The following SPOCK1 variants were observed in gnomAD, a reference collection of about 807,000 sequenced individuals.
SPOCK1 encodes the protein testican-1.
A neutral mutation model predicts 55.3 loss-of-function variants in SPOCK1; 23 were observed. The ratio of observed to expected loss-of-function variants is 0.42; its 90% CI spans 0.30 to 0.59. The LOEUF (loss-of-function observed/expected upper bound fraction) is 0.59, where lower values mean the gene tolerates loss of function less well. SPOCK1 is among the 20% of genes least tolerant of loss of function. The probability of loss-of-function intolerance (pLI) is 0.22; values close to 1 mark genes in which losing one functional copy is unlikely to be tolerated. For missense variants in SPOCK1, 499 were observed against 552.5 expected, an observed-to-expected ratio of 0.90 and a Z score of 0.97; for synonymous variants, 226 against 221.0, an observed-to-expected ratio of 1.02 and a Z score of -0.20.
intron 2 of SPOCK1, among the ~76,000 whole-genome samples, chr5:137,449,697 T>C (rs1472544631): frequency 2.6e-5 from 4 of 151,834 alleles, no homozygotes; most frequent in Non-Finnish European, 5.9e-5. Context: ...CAGATCAGTC[T>C]AGGTATCACA....
At chr5:137,395,700 G>A (rs1053271749) in intron 2 of SPOCK1, among the ~76,000 whole-genome samples, 2 of 152,210 alleles carry the variant, frequency 1.3e-5, no homozygotes, top group African/African-American at 4.8e-5. Context: ...CAGAAATAAT[G>A]TTCCTGCAAT....
At chr5:137,167,399 A>G (rs889637162) in intron 3 of SPOCK1, among the ~76,000 whole-genome samples, 2 of 151,306 alleles carry the variant, frequency 1.3e-5, no homozygotes, top group Non-Finnish European at 3.0e-5. Flanking sequence ...TCAGCACTGG[A>G]CAGATCTTCC....
intron 2 of SPOCK1, among the ~76,000 whole-genome samples, chr5:137,409,876 C>A (rs116579660): frequency 2.3e-3 from 345 of 152,320 alleles, no homozygotes; most frequent in African/African-American, 7.9e-3. Context: ...CCTTAGGGAA[C>A]CTATGGTTGA....
At chr5:137,310,623 C>A (rs968562710) in intron 2 of SPOCK1, among the ~76,000 whole-genome samples, 4 of 152,192 alleles carry the variant, frequency 2.6e-5, no homozygotes, top group Non-Finnish European at 5.9e-5. Flanking sequence ...TGTCATCCAA[C>A]AACTCTTTGG....
chr5:137,366,048 C>T (rs1460358135), intron 2 of SPOCK1, among the ~76,000 whole-genome samples: 5 of 152,152 alleles, frequency 3.3e-5, no homozygotes, highest in Non-Finnish European at 5.9e-5. Context: ...CAACCAGTGC[C>T]ATGGGAGGCA....
In SPOCK1 at chr5:136,977,538, A is replaced by G; in HGVS notation, c.*1116T>C. 1 of 356,450 alleles carries G rather than the reference A, an allele frequency of 2.8e-6. No homozygotes were observed. Among genetic ancestry groups the G allele is most frequent in the Non-Finnish European group, 5.0e-6 (1 of 200,088 alleles). 22.1% of individuals were successfully genotyped at this position (356,450 alleles called of 1,614,324 possible). A position where few individuals can be genotyped will look rare whatever the true frequency, so the allele number is the denominator to read the frequency against. On this transcript the variant is annotated 3_prime_UTR_variant, in exon 11 of 11. Transcript: ENST00000394945. The stretch of plus-strand genomic sequence containing the variant: ...AAATTTTCTTCTTTTAAGGAACACC[A>G]TGGTACTCTCAGAGAACAGGAGATA...
intron 4 of SPOCK1, among the ~76,000 whole-genome samples, chr5:137,130,125 C>T (rs1753846038): frequency 6.6e-6 from 1 of 152,174 alleles, no homozygotes; most frequent in South Asian, 2.1e-4. Flanking sequence ...GCTAGACTTC[C>T]CTCGCTGTCA....
rs541218505 is a variant in SPOCK1 at position 137,217,845 on chromosome 5, G to A, written c.232+49165C>T. ...AGCTAAGTAATGTATCCAAGGTATC[G>A]TGGTTAATAAGTGACAAGCGGGAAT... On this transcript the variant is annotated intron_variant, in intron 3 of 10. Transcript: ENST00000394945. Among the ~76,000 whole-genome samples, 5 of 152,254 alleles carry A rather than the reference G, an allele frequency of 3.3e-5. No homozygotes were observed. The South Asian group carries it at 8.3e-4, about 25-fold the overall frequency.
chr5:137,262,203 TTCTA>T (rs996611606), intron 3 of SPOCK1, among the ~76,000 whole-genome samples: 1 of 152,210 alleles, frequency 6.6e-6, no homozygotes, highest in Non-Finnish European at 1.5e-5. Context: ...GTTCAATAAA[TTCTA>T]TCTTTCATTC....
chr5:137,043,122 T>C (rs1752032715), intron 6 of SPOCK1, among the ~76,000 whole-genome samples: 2 of 152,090 alleles, frequency 1.3e-5, no homozygotes, highest in African/African-American at 4.8e-5. Flanking sequence ...AGTAGGTAAA[T>C]AAAATACACC....
intron 2 of SPOCK1, among the ~76,000 whole-genome samples, chr5:137,375,215 G>A (rs1179318229): frequency 6.6e-6 from 1 of 152,160 alleles, no homozygotes; most frequent in East Asian, 1.9e-4. Context: ...ATAAACTGTA[G>A]TAATAAACTC....
At position 136,977,090 on chromosome 5, in the gene SPOCK1, C is replaced by T. The variant is rs1477895522; in HGVS notation, c.*1564G>A. On this transcript the variant is annotated 3_prime_UTR_variant, in exon 11 of 11. Coordinates refer to ENST00000394945, the MANE Select transcript of SPOCK1 (RefSeq NM_004598.4). ...TGGGTGGCTGATTCTGATTAGGACA[C>T]CCTGATAAATGAAAATCAGTGGCGG... The T allele has an allele frequency of 1.3e-5, 2 of 152,148 alleles. No homozygotes were observed. Among genetic ancestry groups the T allele is most frequent in the Admixed American group, 6.5e-5 (1 of 15,270 alleles). The allele number at this position is 152,148 out of a possible 1,614,324, so 9.4% of individuals were successfully genotyped here.
intron 2 of SPOCK1, among the ~76,000 whole-genome samples, chr5:137,288,395 A>G (rs1001184665): frequency 1.3e-5 from 2 of 152,182 alleles, no homozygotes; most frequent in Non-Finnish European, 2.9e-5. Context: ...CACAACATAG[A>G]AAGACCAGCA....
At chr5:137,317,443 A>G (rs1757898383) in intron 2 of SPOCK1, among the ~76,000 whole-genome samples, 1 of 152,178 alleles carries the variant, frequency 6.6e-6, no homozygotes, top group Non-Finnish European at 1.5e-5. Flanking sequence ...AGGACACTGG[A>G]GAGGACATGG....
chr5:137,024,453 T>C (rs781387257), intron 6 of SPOCK1, among the ~76,000 whole-genome samples: 7 of 152,110 alleles, frequency 4.6e-5, no homozygotes, highest in Non-Finnish European at 8.8e-5. Context: ...ACCTTTGACC[T>C]ATTGAAATAT....
intron 3 of SPOCK1, among the ~76,000 whole-genome samples, chr5:137,234,346 C>A (rs1033774630): frequency 6.6e-6 from 1 of 152,108 alleles, no homozygotes; most frequent in Non-Finnish European, 1.5e-5. Flanking sequence ...CAGGAAACAC[C>A]ATGCCTGGGC....
intron 3 of SPOCK1, among the ~76,000 whole-genome samples, chr5:137,248,293 T>C (rs1459067623): frequency 6.6e-6 from 1 of 152,186 alleles, no homozygotes; most frequent in Non-Finnish European, 1.5e-5. Context: ...CCTTAATATA[T>C]CTTCTATTTT....
chr5:137,090,924 T>C (rs1365969380), intron 5 of SPOCK1, among the ~76,000 whole-genome samples: 1 of 151,870 alleles, frequency 6.6e-6, no homozygotes, highest in Non-Finnish European at 1.5e-5. Flanking sequence ...TCTAAAGCCC[T>C]CTCCTCCCCA....
At chr5:137,489,844 T>G (rs1214747404) in intron 2 of SPOCK1, among the ~76,000 whole-genome samples, 1 of 152,238 alleles carries the variant, frequency 6.6e-6, no homozygotes, top group Non-Finnish European at 1.5e-5. Flanking sequence ...CCTCACCTGG[T>G]TCACTGCAGT....
Sources: allele counts gnomAD v4.1 joint callset (sites outside exome capture counted in the v4.1 genomes callset), GRCh38; gene constraint gnomAD v4.1.1; transcripts MANE v1.5; gene names NCBI Gene and HGNC (gene_info 2026-07-23, HGNC 2026-07-21).